PDE1C: variants seen among roughly 807,000 people sequenced by gnomAD.
PDE1C encodes dual specificity calcium/calmodulin-dependent 3',5'-cyclic nucleotide phosphodiesterase 1C.
A neutral mutation model predicts 93.1 loss-of-function variants in PDE1C; 62 were observed. The observed-to-expected ratio is 0.67, with a 90% confidence interval of 0.54 to 0.82. The LOEUF (loss-of-function observed/expected upper bound fraction) is 0.82, where lower values mean the gene tolerates loss of function less well. Ranked by LOEUF, PDE1C falls within the 40% of genes least tolerant of loss-of-function variation. The pLI, the probability that PDE1C is intolerant of heterozygous loss-of-function variation, is 0.00. For missense variants in PDE1C, 742 were observed against 884.6 expected (o/e 0.84, Z 2.04); for synonymous variants, 325 against 310.1 (o/e 1.05, Z -0.50).
chr7:32,254,708 T>G (rs557002115), intron 1 of PDE1C, among the ~76,000 whole-genome samples: 1 of 152,244 alleles, frequency 6.6e-6, no homozygotes, highest in African/African-American at 2.4e-5. Flanking sequence ...TGCATGTGTG[T>G]ATATGAATGT....
chr7:31,633,120 C>T, the PDE1C span, among the ~76,000 whole-genome samples: 6 of 151,816 alleles, frequency 4.0e-5, no homozygotes, highest in Non-Finnish European at 7.4e-5. Flanking sequence ...CTCCTGACCT[C>T]GTGATCTGCC....
intron 16 of PDE1C, among the ~76,000 whole-genome samples, chr7:31,808,732 C>A (rs1583421158): frequency 1.3e-5 from 2 of 152,012 alleles, no homozygotes; most frequent in South Asian, 4.2e-4. Context: ...TTCTAGCTGT[C>A]TGATCAGCAA....
intron 3 of PDE1C, among the ~76,000 whole-genome samples, chr7:32,110,802 T>C (rs1260941658): frequency 6.6e-6 from 1 of 152,172 alleles, no homozygotes; most frequent in Non-Finnish European, 1.5e-5. Flanking sequence ...AACTACACAT[T>C]GGTGACCAGT....
chr7:31,925,758 T>C (rs1253283831), intron 2 of PDE1C, among the ~76,000 whole-genome samples: 2 of 152,208 alleles, frequency 1.3e-5, no homozygotes, highest in Non-Finnish European at 2.9e-5. Flanking sequence ...TTATTTACAC[T>C]GAGAATGAAG....
At chr7:32,380,404 A>ATTTTTTTT (rs55965828) in intron 1 of PDE1C, among the ~76,000 whole-genome samples, 2 of 137,260 alleles carry the variant, frequency 1.5e-5, no homozygotes, top group Non-Finnish European at 1.5e-5. Flanking sequence ...TGCCCGGCTA[A>ATTTTTTTT]TTTTTTTTTT....
chr7:31,711,378 T>C, the PDE1C span, among the ~76,000 whole-genome samples: 511 of 152,356 alleles, frequency 3.4e-3, 2 homozygotes, highest in African/African-American at 0.012. Context: ...TCATCTCATT[T>C]GATCCTCAAA....
At chr7:31,897,599 C>T (rs1799465460) in intron 2 of PDE1C, among the ~76,000 whole-genome samples, 1 of 152,154 alleles carries the variant, frequency 6.6e-6, no homozygotes. Flanking sequence ...AAACATCTCT[C>T]CCCCTTTTGT....
intron 1 of PDE1C, among the ~76,000 whole-genome samples, chr7:32,262,238 T>C (rs1378379535): frequency 6.6e-6 from 1 of 152,156 alleles, no homozygotes; most frequent in African/African-American, 2.4e-5. Flanking sequence ...CCACCTCCAC[T>C]TTATACCCAA....
intron 2 of PDE1C, among the ~76,000 whole-genome samples, chr7:32,028,661 T>C (rs1464445690): frequency 6.6e-6 from 1 of 152,288 alleles, no homozygotes; most frequent in East Asian, 1.9e-4. Flanking sequence ...TCAAGCTAGT[T>C]AACATATCCA....
At chr7:31,972,953 C>T (rs941813032) in intron 2 of PDE1C, among the ~76,000 whole-genome samples, 1 of 152,108 alleles carries the variant, frequency 6.6e-6, no homozygotes, top group Non-Finnish European at 1.5e-5. Context: ...GTAGCACAAG[C>T]AGGAACTGAG....
At chr7:32,412,055 A>G (rs10227716) in intron 1 of PDE1C, among the ~76,000 whole-genome samples, 22,581 of 152,134 alleles carry the variant, frequency 0.15, 3,280 homozygotes, top group African/African-American at 0.37. Context: ...TATGGTAGCA[A>G]TGCCTTCTTT....
intron 1 of PDE1C, among the ~76,000 whole-genome samples, chr7:32,408,836 A>C (rs1179452477): frequency 6.6e-6 from 1 of 152,184 alleles, no homozygotes; most frequent in Non-Finnish European, 1.5e-5. Flanking sequence ...AAGACTACTC[A>C]ACTCTAAATT....
chr7:32,024,307 A>T (rs990880355), intron 2 of PDE1C, among the ~76,000 whole-genome samples: 5 of 151,988 alleles, frequency 3.3e-5, no homozygotes, highest in Non-Finnish European at 7.4e-5. Flanking sequence ...TTTTCAATAT[A>T]CCTTTTTACA....
intron 1 of PDE1C, among the ~76,000 whole-genome samples, chr7:32,060,281 C>G (rs1374674149): frequency 6.6e-6 from 1 of 152,184 alleles, no homozygotes; most frequent in South Asian, 2.1e-4. Flanking sequence ...CCTACCCACT[C>G]CTGCAGTGTT....
At chr7:31,764,353 C>T (rs911116931) in intron 17 of PDE1C, among the ~76,000 whole-genome samples, 5 of 152,158 alleles carry the variant, frequency 3.3e-5, no homozygotes, top group African/African-American at 7.2e-5. Flanking sequence ...ACCAGGTTGG[C>T]CAGGATGGTC....
At chr7:31,753,627 C>T in intron 17 of PDE1C, 74 bp from the exon 18 acceptor site, 1 of 1,516,014 alleles carries the variant, frequency 6.6e-7, no homozygotes, top group Non-Finnish European at 8.8e-7. Flanking sequence ...ATATTGTGAG[C>T]AACTTCCTCT....
intron 1 of PDE1C, among the ~76,000 whole-genome samples, chr7:32,280,244 A>G (rs1811542423): frequency 6.6e-6 from 1 of 152,198 alleles, no homozygotes; most frequent in African/African-American, 2.4e-5. Context: ...ATAATTTTAT[A>G]TTGGAAAGCA....
chr7:32,343,974 A>T (rs1220222132), intron 1 of PDE1C, among the ~76,000 whole-genome samples: 1 of 152,246 alleles, frequency 6.6e-6, no homozygotes, highest in African/African-American at 2.4e-5. Context: ...TTTGGAAATA[A>T]CTTCAGGAAA....
chr7:31,650,469 G>T, the PDE1C span, among the ~76,000 whole-genome samples: 13 of 152,294 alleles, frequency 8.5e-5, no homozygotes, highest in Admixed American at 3.3e-4. Context: ...GAGAGAGAAA[G>T]TAAGAGTTAA....
Sources: gnomAD v4.1 joint callset for allele counts (sites outside exome capture counted in the v4.1 genomes callset) on GRCh38, gnomAD v4.1.1 for gene constraint, MANE v1.5 for transcripts, NCBI Gene and HGNC (gene_info 2026-07-23, HGNC 2026-07-21) for gene names.